NAA40: variants seen among roughly 807,000 people sequenced by gnomAD.
NAA40 encodes the protein N-alpha-acetyltransferase 40, NatD catalytic subunit, also known as N-alpha-acetyltransferase 40.
In NAA40, 26 loss-of-function variants were observed where a neutral mutation model predicts 36.6. The observed-to-expected ratio is 0.71, with a 90% confidence interval of 0.52 to 0.98. NAA40 has a LOEUF of 0.98. Among genes scored for constraint, NAA40 ranks in the 50% least tolerant of loss-of-function variants. The probability of loss-of-function intolerance (pLI) is 0.00; values close to 1 mark genes in which losing one functional copy is unlikely to be tolerated. For synonymous variants in NAA40, 129 were observed against 108.4 expected (o/e 1.19, Z -1.18); for missense variants, 237 against 306.5 (o/e 0.77, Z 1.69).
In NAA40 at chr11:63,954,592, G is replaced by T. The variant is rs1942334872; in HGVS notation, c.*113G>T. The stretch of plus-strand genomic sequence containing the variant: ...CTGTGGCCTCCCCAGCCCTGCACGT[G>T]CCAGGCTGCGCCCTGAGAGCACAGA... On this transcript the variant is annotated 3_prime_UTR_variant, in exon 8 of 8. Coordinates refer to ENST00000377793, the MANE Select transcript of NAA40 (RefSeq NM_024771.4). The T allele has an allele frequency of 1.6e-6, 2 of 1,245,018 alleles. No individual in the cohort carries two copies. Among genetic ancestry groups the T allele is most frequent in the Non-Finnish European group, 2.2e-6 (2 of 929,668 alleles). The allele number at this position is 1,245,018 out of a possible 1,614,324, so 77.1% of individuals were successfully genotyped here.
At position 63,952,578 on chromosome 11, in the gene NAA40, G is replaced by A. The variant is rs375942183; in HGVS notation, c.410+13G>A. On this transcript the variant is annotated intron_variant, in intron 5 of 7. Coordinates refer to ENST00000377793, the MANE Select transcript of NAA40 (RefSeq NM_024771.4). ...AAGTCCTGTACTGGTAGGAGCCATG[G>A]CTTGGGGGAGGTAGGGGAGAGAGAC... 54 of 1,612,288 alleles carry A rather than the reference G, an allele frequency of 3.3e-5. No homozygotes were observed. In the African/African-American group the frequency reaches 6.9e-4, roughly 21 times the overall value.
intron 1 of NAA40, among the ~76,000 whole-genome samples, chr11:63,943,503 A>G (rs1942139486): frequency 6.6e-6 from 1 of 152,144 alleles, no homozygotes; most frequent in African/African-American, 2.4e-5. Flanking sequence ...TCAGTAGGGG[A>G]CAGTGTGGCC....
chr11:63,940,625 C>G (rs1054780208), intron 1 of NAA40, among the ~76,000 whole-genome samples: 16 of 151,992 alleles, frequency 1.1e-4, no homozygotes, highest in African/African-American at 3.6e-4. Context: ...TCAGCCTTAA[C>G]TTTACTGATC....
intron 2 of NAA40, 85 bp downstream of exon 2, chr11:63,946,020 C>G (rs1942180461): frequency 8.0e-7 from 1 of 1,257,748 alleles, no homozygotes; most frequent in Non-Finnish European, 1.1e-6. Flanking sequence ...CACCCTGTGG[C>G]AGAATTGTGA....
At chr11:63,952,386 G>C in intron 4 of NAA40, 21 bp from the exon 5 acceptor site, 1 of 1,613,470 alleles carries the variant, frequency 6.2e-7, no homozygotes, top group East Asian at 2.2e-5. Flanking sequence ...TTTCCCGTCT[G>C]ACTGCTCCCA....
rs901701419 is a variant in NAA40 at position 63,950,494 on chromosome 11, A to G, written c.156-1744A>G. On this transcript the variant is annotated intron_variant, in intron 3 of 7. Coordinates refer to ENST00000377793, the MANE Select transcript of NAA40 (RefSeq NM_024771.4). ...GTGTTTTCGTTTTTGTTTTTGAGAC[A>G]GAGTCTCGCCCAGGCTGGAGTACAA... 3.3e-5 allele frequency among the ~76,000 whole-genome samples: 5 copies of G among 151,444 alleles called. No homozygotes were observed. In the East Asian group the frequency reaches 9.8e-4, roughly 30 times the overall value.
chr11:63,954,314 C>T (rs773153905), intron 7 of NAA40, 24 bp from the exon 8 acceptor site: 1 of 1,566,546 alleles, frequency 6.4e-7, no homozygotes, highest in Admixed American at 1.9e-5. Context: ...TGCCACCAAC[C>T]CTTTTCTCCT....
chr11:63,939,667 G>A (rs78751267), intron 1 of NAA40: 8,374 of 171,906 alleles, frequency 0.049, 781 homozygotes, highest in African/African-American at 0.19. Flanking sequence ...GGTTCCTGCT[G>A]CTCCTGATAA....
chr11:63,946,612 G>T, intron 2 of NAA40: 1 of 1,285,084 alleles, frequency 7.8e-7, no homozygotes, highest in Non-Finnish European at 9.9e-7. Flanking sequence ...ATTTGGAGTT[G>T]TAACCAGGTA....
In NAA40 at chr11:63,957,151, T is replaced by A. The variant is rs2134286172; in HGVS notation, c.*2672T>A. The A allele has an allele frequency of 6.6e-6, 1 of 151,162 alleles. No individual in the cohort carries two copies. The highest frequency in any genetic ancestry group is 1.9e-4 in the East Asian group (1 of 5,180). The allele number at this position is 151,162 out of a possible 1,614,324, so 9.4% of individuals were successfully genotyped here. On this transcript the variant is annotated 3_prime_UTR_variant, in exon 8 of 8. Transcript: ENST00000377793. ...TATAGGACATGTGAATGGTTCTTTT[T>A]AATTTTTTTTTAAGAGGAAATTTGG...
chr11:63,954,154 G>T, intron 7 of NAA40, 105 bp downstream of exon 7: 2 of 1,381,024 alleles, frequency 1.4e-6, no homozygotes, highest in Non-Finnish European at 1.0e-6. Flanking sequence ...TCATGGTCCA[G>T]TGGTCCATGG....
intron 1 of NAA40, among the ~76,000 whole-genome samples, chr11:63,943,074 G>A (rs747390177): frequency 7.2e-5 from 11 of 152,150 alleles, no homozygotes; most frequent in Non-Finnish European, 1.2e-4. Flanking sequence ...GTGGAGTAAG[G>A]GAGCTTGTAC....
chr11:63,939,089 C>T lies in NAA40; in HGVS notation c.-8C>T, dbSNP rs1212227492. On this transcript the variant is annotated 5_prime_UTR_variant, in exon 1 of 8. Coordinates refer to ENST00000377793, the MANE Select transcript of NAA40 (RefSeq NM_024771.4). ...GTGAAGAAGAAGCTGAGCGTTGTCG[C>T]CGCCGCTATGGGGGTGAGTGAGGCA... The T allele has an allele frequency of 6.2e-7, 1 of 1,605,016 alleles. No individual in the cohort carries two copies. Among genetic ancestry groups the T allele is most frequent in the African/African-American group, 1.4e-5 (1 of 73,186 alleles).
chr11:63,951,113 G>A (rs1942272651), intron 3 of NAA40, among the ~76,000 whole-genome samples: 1 of 152,198 alleles, frequency 6.6e-6, no homozygotes, highest in African/African-American at 2.4e-5. Context: ...TCCTCTGGGG[G>A]TTGTGTCAAA....
intron 7 of NAA40, 54 bp downstream of exon 7, chr11:63,954,103 A>G: frequency 2.5e-6 from 4 of 1,571,824 alleles, no homozygotes; most frequent in South Asian, 2.2e-5. Context: ...GCCCAGGGCC[A>G]TTTTTCTGGT....
chr11:63,953,706 A>G (rs1288108250), intron 6 of NAA40, among the ~76,000 whole-genome samples: 1 of 151,912 alleles, frequency 6.6e-6, no homozygotes, highest in Non-Finnish European at 1.5e-5. Context: ...TGCAGCCTCT[A>G]CCTCCCAGGC....
chr11:63,945,738 G>A, intron 1 of NAA40, 102 bp from the exon 2 acceptor site: 1 of 1,017,300 alleles, frequency 9.8e-7, no homozygotes. Context: ...TCTCACTGCT[G>A]GGCCAGGCCT....
chr11:63,950,307 C>T (rs1045450283), intron 3 of NAA40, among the ~76,000 whole-genome samples: 6 of 151,800 alleles, frequency 4.0e-5, no homozygotes, highest in Admixed American at 2.0e-4. Flanking sequence ...TTAGTAAAGA[C>T]GGAGTTTCGC....
At chr11:63,942,763 A>G (rs1323645130) in intron 1 of NAA40, among the ~76,000 whole-genome samples, 1 of 152,170 alleles carries the variant, frequency 6.6e-6, no homozygotes, top group Non-Finnish European at 1.5e-5. Flanking sequence ...AGCTGGCTGC[A>G]CCCTGCCTTC....
Sources: allele counts gnomAD v4.1 joint callset (sites outside exome capture counted in the v4.1 genomes callset), GRCh38; gene constraint gnomAD v4.1.1; transcripts MANE v1.5; gene names NCBI Gene and HGNC (gene_info 2026-07-23, HGNC 2026-07-21).